The following OPCML variants were observed in gnomAD, a reference collection of about 807,000 sequenced individuals.
OPCML encodes opioid binding protein/cell adhesion molecule like.
A neutral mutation model predicts 37.8 loss-of-function variants in OPCML; 13 were observed. The ratio of observed to expected loss-of-function variants is 0.34; its 90% CI spans 0.22 to 0.55. OPCML has a LOEUF of 0.55. OPCML is among the 20% of genes least tolerant of loss of function. The probability of loss-of-function intolerance (pLI) is 0.91; values close to 1 mark genes in which losing one functional copy is unlikely to be tolerated. For synonymous variants in OPCML, 176 were observed against 168.8 expected, an observed-to-expected ratio of 1.04 and a Z score of -0.33; for missense variants, 341 against 435.6, an observed-to-expected ratio of 0.78 and a Z score of 1.93.
At chr11:133,326,483 A>AG (rs1248227382) in intron 1 of OPCML, among the ~76,000 whole-genome samples, 1 of 26,728 alleles carries the variant, frequency 3.7e-5, no homozygotes, top group African/African-American at 1.5e-4. Context: ...TATGTGTATG[A>AG]GGGGGTGTGG....
intron 4 of OPCML, among the ~76,000 whole-genome samples, chr11:132,456,360 G>C (rs2096082801): frequency 6.6e-6 from 1 of 152,168 alleles, no homozygotes. Flanking sequence ...AAATGTTAGA[G>C]GAATTTTAAG....
At chr11:133,257,994 C>G (rs1372852676) in intron 1 of OPCML, among the ~76,000 whole-genome samples, 4 of 152,104 alleles carry the variant, frequency 2.6e-5, no homozygotes, top group African/African-American at 9.7e-5. Context: ...AAGATTGTAT[C>G]TGGGGGTGAG....
Position 132,518,878 on chromosome 11 carries a change from A to G in OPCML, c.505+10183T>C, listed in dbSNP as rs1032996702. On this transcript the variant is annotated intron_variant, in intron 4 of 7. Coordinates refer to ENST00000524381, the MANE Select transcript of OPCML (RefSeq NM_001012393.5). ...ATTAAATGAGTGAATGAATGAGGGC[A>G]TAAGAGACAAAGATAGACAGCTTTA... Among the ~76,000 whole-genome samples, 9 of 152,206 alleles carry G rather than the reference A, an allele frequency of 5.9e-5. No homozygotes were observed. In the East Asian group the frequency reaches 1.7e-3, roughly 29 times the overall value.
intron 3 of OPCML, among the ~76,000 whole-genome samples, chr11:132,591,090 A>G (rs2096483679): frequency 6.6e-6 from 1 of 152,166 alleles, no homozygotes; most frequent in Non-Finnish European, 1.5e-5. Flanking sequence ...GCACAAAGCA[A>G]GATTGTTGTT....
chr11:132,605,490 G>C (rs562328517), intron 3 of OPCML, among the ~76,000 whole-genome samples: 69 of 152,200 alleles, frequency 4.5e-4, no homozygotes, highest in Non-Finnish European at 5.6e-4. Context: ...CCTGAACCCG[G>C]GAGGTGGAGG....
At chr11:133,359,823 G>A (rs1313973259) in intron 1 of OPCML, among the ~76,000 whole-genome samples, 6 of 152,016 alleles carry the variant, frequency 3.9e-5, no homozygotes, top group African/African-American at 7.2e-5. Context: ...TCAATTATTC[G>A]CCAATATAAA....
chr11:132,850,671 T>A (rs1333931656), intron 2 of OPCML, among the ~76,000 whole-genome samples: 3 of 152,196 alleles, frequency 2.0e-5, no homozygotes, highest in Non-Finnish European at 4.4e-5. Flanking sequence ...AGGCTTGTAT[T>A]TACAACTTTA....
chr11:132,539,628 GTGA>G (rs888544540), intron 3 of OPCML, among the ~76,000 whole-genome samples: 4 of 152,000 alleles, frequency 2.6e-5, no homozygotes, highest in African/African-American at 7.3e-5. Context: ...GATAATAACG[GTGA>G]TGATGATGAT....
intron 1 of OPCML, among the ~76,000 whole-genome samples, chr11:133,276,885 A>C (rs2136496784): frequency 6.6e-6 from 1 of 152,298 alleles, no homozygotes; most frequent in Admixed American, 6.5e-5. Context: ...CATCCATTTC[A>C]ATGGCCTCAC....
intron 1 of OPCML, among the ~76,000 whole-genome samples, chr11:133,186,544 G>C (rs1156628806): frequency 6.6e-6 from 1 of 152,012 alleles, no homozygotes; most frequent in Non-Finnish European, 1.5e-5. Flanking sequence ...AAAATGGAGA[G>C]GGGTAAGGGA....
At chr11:132,675,618 A>G (rs961753408) in intron 2 of OPCML, among the ~76,000 whole-genome samples, 1 of 152,190 alleles carries the variant, frequency 6.6e-6, no homozygotes, top group African/African-American at 2.4e-5. Context: ...ATCAATATAT[A>G]AAAATTAACT....
intron 2 of OPCML, among the ~76,000 whole-genome samples, chr11:132,775,819 G>A (rs1445910899): frequency 6.6e-6 from 1 of 152,200 alleles, no homozygotes; most frequent in African/African-American, 2.4e-5. Context: ...TATACTTCAT[G>A]GCAGAAATGC....
intron 1 of OPCML, among the ~76,000 whole-genome samples, chr11:132,984,101 G>A (rs943238769): frequency 6.6e-6 from 1 of 152,070 alleles, no homozygotes; most frequent in Non-Finnish European, 1.5e-5. Flanking sequence ...TGGGCTTTAG[G>A]TTGACCCTGC....
intron 2 of OPCML, among the ~76,000 whole-genome samples, chr11:132,892,539 C>T (rs1026285071): frequency 2.1e-4 from 32 of 152,200 alleles, no homozygotes; most frequent in African/African-American, 6.7e-4. Flanking sequence ...GAGGCCGAGG[C>T]GGGTGGATCA....
At chr11:132,697,043 T>G (rs916487342) in intron 2 of OPCML, among the ~76,000 whole-genome samples, 1 of 152,202 alleles carries the variant, frequency 6.6e-6, no homozygotes, top group African/African-American at 2.4e-5. Context: ...GGATTAGTCA[T>G]CAGGACTGAC....
chr11:133,457,586 A>C (rs190720237), intron 1 of OPCML, among the ~76,000 whole-genome samples: 118 of 151,700 alleles, frequency 7.8e-4, no homozygotes, highest in Non-Finnish European at 1.3e-3. Context: ...TTAATGTTAT[A>C]TTTGTCTTAA....
At chr11:133,005,977 A>G in intron 1 of OPCML, 2 of 985,436 alleles carry the variant, frequency 2.0e-6, no homozygotes, top group Middle Eastern at 5.2e-4. Flanking sequence ...TCTAAAAGGG[A>G]AGATGTCTCT....
chr11:132,437,000 C>A, intron 5 of OPCML: 1 of 883,152 alleles, frequency 1.1e-6, no homozygotes, highest in Non-Finnish European at 1.4e-6. Context: ...CAAACCCATT[C>A]TCAGTTAACA....
At chr11:133,264,684 A>G (rs2136464468) in intron 1 of OPCML, among the ~76,000 whole-genome samples, 1 of 152,294 alleles carries the variant, frequency 6.6e-6, no homozygotes, top group East Asian at 1.9e-4. Context: ...AGATTCCTCA[A>G]CTTTCAATCA....
Sources: allele counts gnomAD v4.1 joint callset (sites outside exome capture counted in the v4.1 genomes callset), GRCh38; gene constraint gnomAD v4.1.1; transcripts MANE v1.5; gene names NCBI Gene and HGNC (gene_info 2026-07-23, HGNC 2026-07-21).